The following TUSC3 variants were observed in gnomAD, a reference collection of about 807,000 sequenced individuals.
TUSC3 encodes tumor suppressor candidate 3, also known as dolichyl-diphosphooligosaccharide--protein glycosyltransferase subunit TUSC3.
In TUSC3, 45 loss-of-function variants were observed where a neutral mutation model predicts 44.8. That is an observed-to-expected ratio of 1.00 (90% confidence interval 0.79 to 1.29). The LOEUF (loss-of-function observed/expected upper bound fraction) is 1.29, where lower values mean the gene tolerates loss of function less well. TUSC3 is among the 50% of genes most tolerant of loss of function. The pLI is 0.00. For missense variants in TUSC3, 519 were observed against 437.9 expected (o/e 1.19, Z -1.65); for synonymous variants, 212 against 152.9 (o/e 1.39, Z -2.85).
At chr8:15,819,051 CCT>C in the TUSC3 span, among the ~76,000 whole-genome samples, 3 of 151,216 alleles carry the variant, frequency 2.0e-5, no homozygotes, top group South Asian at 6.3e-4. Flanking sequence ...GAGTGAGACC[CCT>C]GTCTCTACAA....
At chr8:15,750,121 G>A (rs187847723) in intron 9 of TUSC3, among the ~76,000 whole-genome samples, 51 of 150,648 alleles carry the variant, frequency 3.4e-4, no homozygotes, top group African/African-American at 9.0e-4. Context: ...CTGGGACTAC[G>A]GGTGCCCGCC....
chr8:15,797,847 G>A, the TUSC3 span, among the ~76,000 whole-genome samples: 3 of 152,202 alleles, frequency 2.0e-5, no homozygotes, highest in African/African-American at 4.8e-5. Context: ...AACGGCTGAC[G>A]TGTTGGGAGC....
chr8:15,740,090 TA>T (rs1811126197), intron 7 of TUSC3, among the ~76,000 whole-genome samples: 1 of 152,048 alleles, frequency 6.6e-6, no homozygotes, highest in African/African-American at 2.4e-5. Context: ...AACAATTTTA[TA>T]ATAAAAAAAA....
At chr8:15,577,274 C>G (rs1803153711) in intron 1 of TUSC3, among the ~76,000 whole-genome samples, 1 of 151,430 alleles carries the variant, frequency 6.6e-6, no homozygotes, top group Non-Finnish European at 1.5e-5. Context: ...CCTGTTCACT[C>G]TGATGGTAGT....
intron 2 of TUSC3, among the ~76,000 whole-genome samples, chr8:15,530,428 A>G (rs538790827): frequency 1.3e-5 from 2 of 152,330 alleles, no homozygotes; most frequent in African/African-American, 4.8e-5. Context: ...ATAATGTGTT[A>G]GATGCTAAAG....
intron 6 of TUSC3, among the ~76,000 whole-genome samples, chr8:15,699,514 T>C (rs371378802): frequency 1.2e-4 from 19 of 152,212 alleles, no homozygotes; most frequent in East Asian, 9.6e-4. Context: ...TATGATCTGA[T>C]GTAATTGATG....
At chr8:15,573,819 A>G (rs1402004989) in intron 1 of TUSC3, among the ~76,000 whole-genome samples, 1 of 151,984 alleles carries the variant, frequency 6.6e-6, no homozygotes, top group Non-Finnish European at 1.5e-5. Context: ...TTGGAAGAAA[A>G]CTGTGCAGAA....
intron 1 of TUSC3, among the ~76,000 whole-genome samples, chr8:15,581,056 A>T (rs200552546): frequency 0.34 from 37,752 of 112,584 alleles, 5,350 homozygotes; most frequent in East Asian, 0.56. Flanking sequence ...TTCTCGCTTC[A>T]TTTCATTCAT....
intron 1 of TUSC3, among the ~76,000 whole-genome samples, chr8:15,556,528 A>G (rs1398049127): frequency 6.6e-6 from 1 of 150,494 alleles, no homozygotes; most frequent in Non-Finnish European, 1.5e-5. Context: ...CAGTAATGGG[A>G]TGGCTGGGTC....
chr8:15,440,932 A>G (rs961349818), intron 1 of TUSC3, among the ~76,000 whole-genome samples: 8 of 152,302 alleles, frequency 5.3e-5, no homozygotes, highest in African/African-American at 1.9e-4. Flanking sequence ...AGTTATGTTG[A>G]TGGACCAATT....
chr8:15,613,759 T>TA (rs1804863912), intron 1 of TUSC3, among the ~76,000 whole-genome samples: 1 of 152,198 alleles, frequency 6.6e-6, no homozygotes, highest in Non-Finnish European at 1.5e-5. Flanking sequence ...TATTCCATCT[T>TA]ATAGATATTT....
chr8:15,450,520 G>T (rs1198978494), intron 1 of TUSC3, among the ~76,000 whole-genome samples: 11 of 151,936 alleles, frequency 7.2e-5, no homozygotes, highest in Admixed American at 7.2e-4. Context: ...CCCATCTCTA[G>T]TAAAAATACA....
intron 1 of TUSC3, among the ~76,000 whole-genome samples, chr8:15,479,928 A>C (rs1238729474): frequency 6.6e-6 from 1 of 152,182 alleles, no homozygotes; most frequent in South Asian, 2.1e-4. Context: ...AAAGCTTCTA[A>C]AGCTGATGAG....
intron 2 of TUSC3, among the ~76,000 whole-genome samples, chr8:15,491,939 C>G (rs1230493596): frequency 1.3e-5 from 2 of 152,194 alleles, no homozygotes; most frequent in African/African-American, 4.8e-5. Flanking sequence ...CTTTAATACT[C>G]TTTACCGTGG....
At chr8:15,785,032 T>C in the TUSC3 span, among the ~76,000 whole-genome samples, 198 of 151,932 alleles carry the variant, frequency 1.3e-3, no homozygotes, top group African/African-American at 4.5e-3. Flanking sequence ...TACACACAAT[T>C]ATTTTTCAAT....
intron 1 of TUSC3, among the ~76,000 whole-genome samples, chr8:15,545,203 A>G (rs879941425): frequency 4.6e-5 from 7 of 151,470 alleles, no homozygotes; most frequent in Admixed American, 1.3e-4. Flanking sequence ...ACTATTAAAT[A>G]TTTCTTCCTT....
intron 3 of TUSC3, among the ~76,000 whole-genome samples, chr8:15,653,433 G>A (rs1445865154): frequency 6.6e-6 from 1 of 151,932 alleles, no homozygotes; most frequent in Non-Finnish European, 1.5e-5. Flanking sequence ...GTAGGCTGCT[G>A]GTATATAATC....
chr8:15,780,790 G>T, the TUSC3 span, among the ~76,000 whole-genome samples: 7 of 152,260 alleles, frequency 4.6e-5, no homozygotes, highest in East Asian at 9.7e-4. Flanking sequence ...TACCACCTGA[G>T]GGGCTAGCTG....
At chr8:15,712,813 A>C (rs980198748) in intron 6 of TUSC3, among the ~76,000 whole-genome samples, 1 of 152,142 alleles carries the variant, frequency 6.6e-6, no homozygotes, top group African/African-American at 2.4e-5. Flanking sequence ...GGGTCACTTT[A>C]GATGACCTTA....
Sources: allele counts gnomAD v4.1 joint callset (sites outside exome capture counted in the v4.1 genomes callset), GRCh38; gene constraint gnomAD v4.1.1; transcripts MANE v1.5; gene names NCBI Gene and HGNC (gene_info 2026-07-23, HGNC 2026-07-21).